Variants in MYRIP observed in about 807,000 individuals in gnomAD.
MYRIP encodes rab effector MyRIP.
A neutral mutation model predicts 98.0 loss-of-function variants in MYRIP; 49 were observed. That is an observed-to-expected ratio of 0.50 (90% CI 0.40 to 0.63). The LOEUF is 0.63. MYRIP is among the 30% of genes least tolerant of loss of function. The pLI, the probability that MYRIP is intolerant of heterozygous loss-of-function variation, is 0.00. For missense variants in MYRIP, 1,004 were observed against 1,058.2 expected (o/e 0.95, Z 0.71); for synonymous variants, 404 against 409.5 (o/e 0.99, Z 0.16).
intron 3 of MYRIP, among the ~76,000 whole-genome samples, chr3:40,137,090 C>T (rs968752585): frequency 2.8e-4 from 43 of 152,132 alleles, no homozygotes; most frequent in Non-Finnish European, 5.1e-4. Flanking sequence ...TCAATGAATC[C>T]AGTAGCTGGT....
intron 1 of MYRIP, among the ~76,000 whole-genome samples, chr3:39,828,242 GTGT>G: frequency 6.6e-6 from 1 of 151,862 alleles, no homozygotes; most frequent in East Asian, 1.9e-4. Flanking sequence ...TTGCTTAGTG[GTGT>G]TCCATAAATT....
rs150341857 is a variant in MYRIP, at chr3:40,108,590, G to T, written c.333-42458G>T. The stretch of plus-strand genomic sequence containing the variant: ...AAGTCAGAGTATCATGGCAGCCAAA[G>T]TAAGAAGTGCATTTCAGAAACAATG... On this transcript the variant is annotated intron_variant, in intron 3 of 16. Coordinates refer to ENST00000302541, the MANE Select transcript of MYRIP (RefSeq NM_015460.4). 9.8e-4 allele frequency among the ~76,000 whole-genome samples: 149 copies of T among 152,288 alleles called. 1 individual carries two copies. Among genetic ancestry groups the T allele is most frequent in the African/African-American group, 3.4e-3 (142 of 41,560 alleles).
intron 3 of MYRIP, among the ~76,000 whole-genome samples, chr3:40,065,009 A>G (rs920382854): frequency 3.9e-5 from 6 of 152,174 alleles, no homozygotes; most frequent in Non-Finnish European, 7.4e-5. Context: ...TAGGGTTTCC[A>G]TAATAAAGTA....
chr3:40,244,728 C>T (rs1303070655), intron 13 of MYRIP, 121 bp downstream of exon 13: 11 of 1,105,276 alleles, frequency 1.0e-5, no homozygotes, highest in South Asian at 7.5e-5. Context: ...AGCATGTTTG[C>T]GTGGATACAG....
intron 2 of MYRIP, among the ~76,000 whole-genome samples, chr3:39,979,527 A>G (rs1945833188): frequency 6.6e-6 from 1 of 152,094 alleles, no homozygotes; most frequent in African/African-American, 2.4e-5. Context: ...AATCCCAGCT[A>G]CTTGGGAGAA....
At chr3:40,240,365 T>C (rs1020020012) in intron 12 of MYRIP, among the ~76,000 whole-genome samples, 8 of 152,184 alleles carry the variant, frequency 5.3e-5, no homozygotes, top group African/African-American at 1.9e-4. Context: ...GATTTCTGCA[T>C]TTCCGTCTGA....
At chr3:40,160,824 G>A (rs139261863) in intron 4 of MYRIP, among the ~76,000 whole-genome samples, 3,235 of 152,252 alleles carry the variant, frequency 0.021, 120 homozygotes, top group African/African-American at 0.074. Flanking sequence ...GGCCCCTTGC[G>A]CTTCCTGAGT....
At chr3:40,075,662 A>G (rs1948328443) in intron 3 of MYRIP, among the ~76,000 whole-genome samples, 1 of 152,202 alleles carries the variant, frequency 6.6e-6, no homozygotes, top group Non-Finnish European at 1.5e-5. Context: ...AGTAAATATT[A>G]ATTATTATAC....
intron 2 of MYRIP, among the ~76,000 whole-genome samples, chr3:39,963,775 TA>T (rs1482635473): frequency 6.6e-6 from 1 of 152,142 alleles, no homozygotes; most frequent in Non-Finnish European, 1.5e-5. Flanking sequence ...GTAAAAGCAA[TA>T]TTTTTCATGT....
chr3:39,894,573 G>A (rs1244430551), intron 1 of MYRIP, among the ~76,000 whole-genome samples: 2 of 152,064 alleles, frequency 1.3e-5, no homozygotes, highest in African/African-American at 4.8e-5. Flanking sequence ...ATACTTTCTT[G>A]TATTATTGTA....
chr3:40,085,459 A>G (rs1482601105), intron 3 of MYRIP, among the ~76,000 whole-genome samples: 1 of 151,962 alleles, frequency 6.6e-6, no homozygotes, highest in African/African-American at 2.4e-5. Flanking sequence ...TAATTTTTGT[A>G]TTTTTAGTAG....
chr3:40,110,291 G>A (rs190423837), intron 3 of MYRIP, among the ~76,000 whole-genome samples: 1 of 152,364 alleles, frequency 6.6e-6, no homozygotes, highest in Admixed American at 6.5e-5. Flanking sequence ...CCAGAAGTAA[G>A]CCTGTTTTTA....
chr3:39,847,398 A>ACC (rs201214919), intron 1 of MYRIP, among the ~76,000 whole-genome samples: 28,691 of 151,914 alleles, frequency 0.19, 2,771 homozygotes, highest in South Asian at 0.28. Flanking sequence ...AAACAAAGGT[A>ACC]TTTGTTTTCT....
chr3:39,818,864 C>A (rs985840485), intron 1 of MYRIP, among the ~76,000 whole-genome samples: 8 of 152,104 alleles, frequency 5.3e-5, no homozygotes, highest in African/African-American at 1.9e-4. Context: ...TGGATTGTAT[C>A]TGTCACATTA....
chr3:40,230,572 C>T (rs757007645), intron 11 of MYRIP, among the ~76,000 whole-genome samples: 7 of 152,182 alleles, frequency 4.6e-5, no homozygotes, highest in Non-Finnish European at 8.8e-5. Context: ...GGTTAAGTGC[C>T]CTGCCCCTGT....
Position 40,209,969 on chromosome 3 carries a change from T to C in MYRIP, c.1781T>C (p.Met594Thr), listed in dbSNP as rs1408778464. 1 of 1,613,652 alleles carries C rather than the reference T, an allele frequency of 6.2e-7. No individual in the cohort carries two copies. Among genetic ancestry groups the C allele is most frequent in the Non-Finnish European group, 8.5e-7 (1 of 1,179,876 alleles). The change falls in exon 11 of 17, where the codon ATG becomes ACG. Residue 594 changes from methionine (M) to threonine (T), a missense_variant. Transcript: ENST00000302541. ...AGGCTGTACGAGTTAGCAATGAAAA[T>C]GAGTGAAAAGGAGACTTCTTCAGGG... is the stretch of plus-strand genomic sequence containing the variant. ...RNRLYELAMK[M>T]SEKETSSGED...
At chr3:40,196,334 A>C (rs962660076) in intron 10 of MYRIP, among the ~76,000 whole-genome samples, 1 of 152,094 alleles carries the variant, frequency 6.6e-6, no homozygotes, top group Non-Finnish European at 1.5e-5. Context: ...AAAATATTTC[A>C]TATATATTTC....
chr3:40,171,861 A>G (rs1318822100), intron 8 of MYRIP, among the ~76,000 whole-genome samples: 2 of 152,244 alleles, frequency 1.3e-5, no homozygotes, highest in African/African-American at 2.4e-5. Flanking sequence ...GGTAATTTAT[A>G]AAGTAAAGAG....
At chr3:39,856,602 C>T (rs1049741291) in intron 1 of MYRIP, among the ~76,000 whole-genome samples, 30 of 152,194 alleles carry the variant, frequency 2.0e-4, no homozygotes, top group Non-Finnish European at 5.9e-5. Context: ...CAGAGCCCAA[C>T]CAGCGGAGCT....
Sources: allele counts gnomAD v4.1 joint callset (sites outside exome capture counted in the v4.1 genomes callset), GRCh38; gene constraint gnomAD v4.1.1; transcripts MANE v1.5; gene names NCBI Gene and HGNC (gene_info 2026-07-23, HGNC 2026-07-21).